The following WDPCP variants were observed in gnomAD, a reference collection of about 807,000 sequenced individuals.
WDPCP encodes the protein WD repeat-containing and planar cell polarity effector protein fritz homolog.
Under a neutral mutation model 93.1 loss-of-function variants are expected in WDPCP, and 71 were observed. The observed-to-expected ratio is 0.76, with a 90% CI of 0.63 to 0.93. WDPCP has a LOEUF of 0.93. Among genes scored for constraint, WDPCP ranks in the 40% least tolerant of loss-of-function variants. WDPCP has a pLI of 0.00. For missense variants in WDPCP, 844 were observed against 887.4 expected (o/e 0.95, Z 0.62); for synonymous variants, 315 against 315.0 (o/e 1.00, Z 0.00).
At chr2:63,592,382 ACT>A (rs1709217135), upstream of WDPCP, among the ~76,000 whole-genome samples, 1 of 152,124 alleles carries the variant, frequency 6.6e-6, no homozygotes, top group African/African-American at 2.4e-5. Flanking sequence ...ACAGGATCTC[ACT>A]CTGTCACCAA....
At chr2:63,548,955 A>G (rs1196694239) in intron 1 of WDPCP, among the ~76,000 whole-genome samples, 1 of 152,202 alleles carries the variant, frequency 6.6e-6, no homozygotes, top group East Asian at 1.9e-4. Flanking sequence ...AGTGATGAAA[A>G]TATCATCTGT....
intron 2 of WDPCP, among the ~76,000 whole-genome samples, chr2:63,789,612 G>A (rs1184009160): frequency 1.3e-5 from 2 of 152,180 alleles, no homozygotes; most frequent in Non-Finnish European, 2.9e-5. Flanking sequence ...GATAGCAAAG[G>A]CAGAGAAAAT....
At chr2:63,437,646 C>T in intron 7 of WDPCP, 92 bp from the exon 8 acceptor site, 1 of 1,222,696 alleles carries the variant, frequency 8.2e-7, no homozygotes, top group East Asian at 2.5e-5. Context: ...TTCAAACATA[C>T]ATATTAACTG....
Position 63,722,559 on chromosome 2 carries a change from G to T in WDPCP, n.309-71721C>A, listed in dbSNP as rs1424858773. ...CAGCCGCCCCATCCGGGAGGGAGGT[G>T]GGGGGGGGTCAGCCCCCCGCCCGGC... On this transcript the variant is annotated intron_variant and non_coding_transcript_variant, in intron 2 of 4. Coordinates refer to the WDPCP transcript ENST00000467687. Among the ~76,000 whole-genome samples, 50 of 74,976 alleles carry T rather than the reference G, an allele frequency of 6.7e-4. 9 individuals carry two copies. The highest frequency in any genetic ancestry group is 6.0e-3 in the Admixed American group (48 of 7,946). The allele number at this position is 74,976 out of a possible 152,430, so 49.2% of individuals were successfully genotyped here.
intron 14 of WDPCP, among the ~76,000 whole-genome samples, chr2:63,190,244 A>G (rs1574836010): frequency 6.6e-6 from 1 of 152,002 alleles, no homozygotes; most frequent in Non-Finnish European, 1.5e-5. Context: ...CTTGGGCAAC[A>G]TGGCAAAACC....
chr2:63,572,412 T>C (rs1358158233), intron 1 of WDPCP, among the ~76,000 whole-genome samples: 1 of 151,954 alleles, frequency 6.6e-6, no homozygotes, highest in Non-Finnish European at 1.5e-5. Context: ...AATTATAAAT[T>C]GGACAGTAGG....
Position 63,437,214 on chromosome 2 carries a change from C to A in WDPCP, c.633+207G>T, listed in dbSNP as rs544977854. ...TACTATATAAATTGCTCCAAACGTG[C>A]CATTGTTAGACAACCCCCCATAGTG... On this transcript the variant is annotated intron_variant, in intron 8 of 17. Coordinates refer to ENST00000272321, the MANE Select transcript of WDPCP (RefSeq NM_015910.7). Among the ~76,000 whole-genome samples the A allele has an allele frequency of 9.9e-5, 15 of 152,034 alleles. No individual in the cohort carries two copies. In the South Asian group the frequency reaches 3.1e-3, roughly 32 times the overall value.
chr2:63,382,258 TAAC>T (rs920932515), intron 10 of WDPCP, among the ~76,000 whole-genome samples, 164 bp from the exon 11 acceptor site: 1 of 152,162 alleles, frequency 6.6e-6, no homozygotes, highest in African/African-American at 2.4e-5. Flanking sequence ...GATACACTGA[TAAC>T]AACAAAAACA....
intron 2 of WDPCP, among the ~76,000 whole-genome samples, chr2:63,776,874 A>G (rs1670312422): frequency 6.6e-6 from 1 of 152,120 alleles, no homozygotes; most frequent in Non-Finnish European, 1.5e-5. Flanking sequence ...CAAATACTAC[A>G]TGATCTCACT....
chr2:63,395,841 T>A (rs749527241), intron 10 of WDPCP, among the ~76,000 whole-genome samples: 37 of 152,046 alleles, frequency 2.4e-4, no homozygotes, highest in Non-Finnish European at 5.0e-4. Context: ...GGTTCTCCTG[T>A]CTCAGCCTTC....
At position 63,450,402 on chromosome 2, in the gene WDPCP, G is replaced by A. The variant is rs139431949; in HGVS notation, c.385-10531C>T. On this transcript the variant is annotated intron_variant, in intron 6 of 17. Transcript: ENST00000272321. ...ACACCAGTATGCACCACCCAGGACC[G>A]AAAGAGTCATCCCACCACTGCTACT... Among the ~76,000 whole-genome samples, 282 of 152,236 alleles carry A rather than the reference G, an allele frequency of 1.9e-3. 2 individuals carry two copies. Among genetic ancestry groups the A allele is most frequent in the African/African-American group, 6.2e-3 (258 of 41,542 alleles).
intron 8 of WDPCP, among the ~76,000 whole-genome samples, chr2:63,436,476 A>C (rs2105490284): frequency 6.6e-6 from 1 of 152,242 alleles, no homozygotes; most frequent in African/African-American, 2.4e-5. Flanking sequence ...TAATAATCCC[A>C]AAGGGCAAAA....
chr2:63,588,985 G>C, upstream of WDPCP: 1 of 1,613,820 alleles, frequency 6.2e-7, no homozygotes, highest in Non-Finnish European at 8.5e-7. Flanking sequence ...CGGTAGAGGT[G>C]ACCTGACTCT....
At chr2:63,736,344 G>A (rs1362919915) in intron 2 of WDPCP, among the ~76,000 whole-genome samples, 1 of 152,172 alleles carries the variant, frequency 6.6e-6, no homozygotes, top group Non-Finnish European at 1.5e-5. Context: ...TTGCTGTCTG[G>A]ATGAAATACT....
At chr2:63,350,239 A>T (rs1324713567) in intron 12 of WDPCP, among the ~76,000 whole-genome samples, 1 of 152,174 alleles carries the variant, frequency 6.6e-6, no homozygotes, top group African/African-American at 2.4e-5. Context: ...GAATTGAACA[A>T]TGGGAACACT....
intron 2 of WDPCP, among the ~76,000 whole-genome samples, chr2:63,742,950 C>G (rs1042810340): frequency 6.6e-6 from 1 of 151,732 alleles, no homozygotes; most frequent in Non-Finnish European, 1.5e-5. Context: ...CGCAGGTGAA[C>G]GGAAAGAAGG....
chr2:63,399,794 C>A (rs1282443184), intron 10 of WDPCP, among the ~76,000 whole-genome samples: 1 of 151,986 alleles, frequency 6.6e-6, no homozygotes, highest in Admixed American at 6.6e-5. Flanking sequence ...ATAAATGAGA[C>A]TCCAAACATT....
intron 6 of WDPCP, among the ~76,000 whole-genome samples, chr2:63,466,138 A>C (rs1457575565): frequency 6.6e-6 from 1 of 152,114 alleles, no homozygotes; most frequent in Non-Finnish European, 1.5e-5. Flanking sequence ...TCAACCTAGG[A>C]TTCCACTAAG....
chr2:63,835,795 C>T, the WDPCP span, among the ~76,000 whole-genome samples: 3 of 152,098 alleles, frequency 2.0e-5, no homozygotes, highest in Non-Finnish European at 4.4e-5. Context: ...CATCTAATGA[C>T]ATAGAATTAT....
Sources: gnomAD v4.1 joint callset for allele counts (sites outside exome capture counted in the v4.1 genomes callset) on GRCh38, gnomAD v4.1.1 for gene constraint, MANE v1.5 for transcripts, NCBI Gene and HGNC (gene_info 2026-07-23, HGNC 2026-07-21) for gene names.